The following TEAD2 variants were observed in gnomAD, a reference collection of about 807,000 sequenced individuals.
TEAD2 encodes the protein TEA domain transcription factor 2, also known as transcriptional enhancer factor TEF-4.
In TEAD2, 51 loss-of-function variants were observed where a neutral mutation model predicts 61.4. That is an observed-to-expected ratio of 0.83 (90% CI 0.66 to 1.05). The LOEUF (loss-of-function observed/expected upper bound fraction) is 1.05. TEAD2 is among the 50% of genes least tolerant of loss of function. The pLI is 0.00. For missense variants in TEAD2, 509 were observed against 600.0 expected (o/e 0.85, Z 1.58); for synonymous variants, 244 against 243.2 (o/e 1.00, Z -0.03).
intron 3 of TEAD2, among the ~76,000 whole-genome samples, chr19:49,358,076 T>C (rs1170440631): frequency 6.6e-6 from 1 of 151,244 alleles, no homozygotes; most frequent in Non-Finnish European, 1.5e-5. Flanking sequence ...CTACTAAACA[T>C]ACAAAAAATT....
intron 4 of TEAD2, among the ~76,000 whole-genome samples, chr19:49,356,910 C>G (rs1320061979): frequency 3.3e-5 from 5 of 151,988 alleles, no homozygotes; most frequent in Admixed American, 3.3e-4. Context: ...CCACAGAGGT[C>G]CCTCACCTGA....
rs1447769246 is a variant in TEAD2, at chr19:49,359,902, G to A, written c.174C>T (p.Ala58=). The A allele has an allele frequency of 1.9e-6, 3 of 1,613,556 alleles. No homozygotes were observed. Among genetic ancestry groups the A allele is most frequent in the South Asian group, 2.2e-5 (2 of 91,082 alleles). ...DIEQSFQEAL[A]IYPPCGRRKI... The stretch of plus-strand genomic sequence containing the variant: ...TCCGGCGGCCGCAGGGTGGATAGAT[G>A]GCCAGGGCCTCCTGGAAGCTCTGCT... Residue 58 remains alanine (A), a synonymous_variant, in exon 2 of 13, where the codon GCC becomes GCT. Transcript: ENST00000593945. This position sits in a 1 kb window ranked among gnomAD's most constrained non-coding sequence, Gnocchi z 4.1.
At chr19:49,356,792 T>C (rs1475515755) in intron 4 of TEAD2, among the ~76,000 whole-genome samples, 1 of 151,924 alleles carries the variant, frequency 6.6e-6, no homozygotes, top group African/African-American at 2.4e-5. Context: ...GCCTCCTCCA[T>C]GCCATCGCTC....
chr19:49,356,145 G>A (rs1325176742), intron 4 of TEAD2, 175 bp from the exon 5 acceptor site: 2 of 426,922 alleles, frequency 4.7e-6, no homozygotes, highest in Admixed American at 4.4e-5. Context: ...AGCCCTGGAG[G>A]GGAAAAGGGG....
Position 49,341,283 on chromosome 19 carries a change from G to A in TEAD2, c.*41C>T. 6.5e-7 allele frequency: 1 copy of A among 1,540,046 alleles called. No individual in the cohort carries two copies. The highest frequency in any genetic ancestry group is 9.0e-7 in the Non-Finnish European group (1 of 1,113,616). On this transcript the variant is annotated 3_prime_UTR_variant, in exon 13 of 13. Coordinates refer to ENST00000593945, the MANE Select transcript of TEAD2 (RefSeq NM_001256660.2). This position sits in a 1 kb window ranked among gnomAD's most constrained non-coding sequence, Gnocchi z 4.2. ...GTGAGCTGGAGGACCCTCCCTGGGAGGAGGGTGTTCTGGGGGGTGAGCCAG... is the reference window on the plus strand; with the variant it reads ...GTGAGCTGGAGGACCCTCCCTGGGAAGAGGGTGTTCTGGGGGGTGAGCCAG...
At chr19:49,357,385 C>T in intron 3 of TEAD2, 71 bp from the exon 4 acceptor site, 2 of 1,476,248 alleles carry the variant, frequency 1.4e-6, no homozygotes, top group Non-Finnish European at 9.4e-7. Flanking sequence ...CCTTCTCTCC[C>T]TCCAGGTGCC....
At chr19:49,355,106 AGGGTGGG>A in intron 7 of TEAD2, 35 bp downstream of exon 7, 3 of 1,546,924 alleles carry the variant, frequency 1.9e-6, no homozygotes, top group Non-Finnish European at 2.7e-6. Context: ...TGGGAGTGTG[AGGGTGGG>A]GGGCAGGTGC....
At position 49,348,847 on chromosome 19, in the gene TEAD2, TAGAG is replaced by T; in HGVS notation, c.605-6_605-3del. 1 of 1,534,158 alleles carries T rather than the reference TAGAG, an allele frequency of 6.5e-7. No homozygotes were observed. Among genetic ancestry groups the T allele is most frequent in the South Asian group, 1.2e-5 (1 of 81,216 alleles). On this transcript the variant is annotated splice_polypyrimidine_tract_variant and splice_region_variant and intron_variant, in intron 8 of 12. Transcript: ENST00000593945. ...AGAGGGCTTGGGGGGGCTCGTACCCTAGAGAGAGAGAAGAAAGAACAATACAAAT... is the reference window on the plus strand; with the variant it reads ...AGAGGGCTTGGGGGGGCTCGTACCCTAGAGAGAAGAAAGAACAATACAAAT...
At chr19:49,344,647 A>G (rs1971516328) in intron 10 of TEAD2, among the ~76,000 whole-genome samples, 1 of 152,148 alleles carries the variant, frequency 6.6e-6, no homozygotes, top group Non-Finnish European at 1.5e-5. Context: ...CCTGGTTACT[A>G]TGGCAGTTAC....
intron 12 of TEAD2, 119 bp downstream of exon 12, chr19:49,342,319 A>G: frequency 7.4e-7 from 1 of 1,343,892 alleles, no homozygotes; most frequent in South Asian, 1.4e-5. Flanking sequence ...CTGAGGGCTC[A>G]CTTTGGAGTC....
At chr19:49,358,129 G>A (rs1428518512) in intron 3 of TEAD2, among the ~76,000 whole-genome samples, 1 of 152,216 alleles carries the variant, frequency 6.6e-6, no homozygotes, top group Non-Finnish European at 1.5e-5. Flanking sequence ...AGCTACTCAG[G>A]AGGCTGAAGC....
At chr19:49,349,052 G>GGT in intron 8 of TEAD2, 2 of 498,392 alleles carry the variant, frequency 4.0e-6, no homozygotes, top group Non-Finnish European at 3.2e-6. Flanking sequence ...CTGGGAAGGA[G>GGT]TTTCTTCCTG....
At chr19:49,354,984 G>A (rs1417391068) in intron 7 of TEAD2, among the ~76,000 whole-genome samples, 164 bp downstream of exon 7, 1 of 151,858 alleles carries the variant, frequency 6.6e-6, no homozygotes, top group Admixed American at 6.6e-5. Flanking sequence ...CCTGGGCAAC[G>A]GAGCAAGACT....
Position 49,341,269 on chromosome 19 carries a change from G to C in TEAD2, c.*55C>G, listed in dbSNP as rs1440400815. ...ATAAGAAGCATGAGGTGAGCTGGAG[G>C]ACCCTCCCTGGGAGGAGGGTGTTCT... On this transcript the variant is annotated 3_prime_UTR_variant, in exon 13 of 13. Transcript: ENST00000593945. The surrounding 1 kb of genome is among the most constrained non-coding windows in gnomAD (Gnocchi z 4.2). 7.1e-7 allele frequency: 1 copy of C among 1,406,272 alleles called. No homozygotes were observed. Among genetic ancestry groups the C allele is most frequent in the African/African-American group, 1.4e-5 (1 of 71,000 alleles). 87.1% of individuals were successfully genotyped at this position (1,406,272 alleles called of 1,614,324 possible). A position where few individuals can be genotyped will look rare whatever the true frequency, so the allele number is the denominator to read the frequency against.
intron 10 of TEAD2, among the ~76,000 whole-genome samples, chr19:49,343,855 TGG>T (rs549395579): frequency 1.6e-4 from 18 of 113,564 alleles, no homozygotes; most frequent in African/African-American, 5.0e-4. Context: ...TCTTTTTTTT[TGG>T]GGGGGGGGGA....
chr19:49,355,527 T>C (rs563894310), intron 5 of TEAD2, 108 bp from the exon 6 acceptor site: 5 of 921,936 alleles, frequency 5.4e-6, no homozygotes, highest in African/African-American at 3.3e-5. Flanking sequence ...AGGTGGGGAG[T>C]CAAGGCAAAG....
chr19:49,346,979 A>G (rs1353013394), intron 10 of TEAD2, among the ~76,000 whole-genome samples: 1 of 152,204 alleles, frequency 6.6e-6, no homozygotes, highest in East Asian at 1.9e-4. Context: ...AGTGGGATCC[A>G]GGGAGGCCCA....
chr19:49,362,034 C>T (rs561668401), intron 1 of TEAD2: 26 of 152,890 alleles, frequency 1.7e-4, no homozygotes, highest in African/African-American at 6.3e-4. Flanking sequence ...GTAAGAAGGA[C>T]CAAATGCCCC....
At chr19:49,342,069 G>A (rs1971311678) in intron 12 of TEAD2, among the ~76,000 whole-genome samples, 2 of 152,128 alleles carry the variant, frequency 1.3e-5, no homozygotes, top group Admixed American at 1.3e-4. Flanking sequence ...GGGCGTGCCT[G>A]TAATCCCAGC....
Sources: allele counts gnomAD v4.1 joint callset (sites outside exome capture counted in the v4.1 genomes callset), GRCh38; gene constraint gnomAD v4.1.1; non-coding constraint Gnocchi (gnomAD v3.1); transcripts MANE v1.5; gene names NCBI Gene and HGNC (gene_info 2026-07-23, HGNC 2026-07-21).